Variants in CCN3 observed in about 807,000 individuals in gnomAD.
The protein encoded by CCN3 is cellular communication network factor 3.
CCN3 carries 20 observed loss-of-function variants against 33.4 expected under a neutral mutation model. The observed-to-expected ratio is 0.60, with a 90% CI of 0.42 to 0.87. The LOEUF (loss-of-function observed/expected upper bound fraction) is 0.87. Ranked by LOEUF, CCN3 falls within the 40% of genes least tolerant of loss-of-function variation. CCN3 has a pLI of 0.00. For missense variants in CCN3, 465 were observed against 455.3 expected (o/e 1.02, Z -0.19); for synonymous variants, 205 against 170.4 (o/e 1.20, Z -1.58).
intron 4 of CCN3, among the ~76,000 whole-genome samples, chr8:119,422,097 A>C (rs1247901499): frequency 6.6e-6 from 1 of 152,162 alleles, no homozygotes; most frequent in Non-Finnish European, 1.5e-5. Context: ...ACTTACAATC[A>C]TGGCAGTAGG....
intron 2 of CCN3, among the ~76,000 whole-genome samples, chr8:119,417,488 A>G (rs574295052): frequency 6.6e-6 from 1 of 152,358 alleles, no homozygotes; most frequent in East Asian, 1.9e-4. Context: ...CAACTAGCCA[A>G]TCCAGGCTTC....
Position 119,417,976 on chromosome 8 carries a change from T to A in CCN3, c.311-82T>A, listed in dbSNP as rs1014564488. 3 of 1,438,786 alleles carry A rather than the reference T, an allele frequency of 2.1e-6. No individual in the cohort carries two copies. In the African/African-American group the frequency reaches 4.2e-5, roughly 20 times the overall value. The allele number at this position is 1,438,786 out of a possible 1,614,324, so 89.1% of individuals were successfully genotyped here. On this transcript the variant is annotated intron_variant, in intron 2 of 4. Transcript: ENST00000259526. Reference sequence around the variant, plus strand: ...TGGGTTTTGGAACATGCCCTCCAAATCTTACATAGCTTCTTCACTGTATTG... The same window carrying A: ...TGGGTTTTGGAACATGCCCTCCAAAACTTACATAGCTTCTTCACTGTATTG...
chr8:119,417,943 A>G (rs2130452673), intron 2 of CCN3, 115 bp from the exon 3 acceptor site: 1 of 1,082,756 alleles, frequency 9.2e-7, no homozygotes, highest in South Asian at 1.5e-5. Context: ...CTGAACTAGA[A>G]AAGGACTTGG....
chr8:119,420,217 T>G (rs61064779), intron 4 of CCN3, among the ~76,000 whole-genome samples: 27,935 of 152,206 alleles, frequency 0.18, 2,761 homozygotes, highest in Non-Finnish European at 0.22. Context: ...TGGCTTCAAA[T>G]TCTGTCTTTC....
chr8:119,418,113 A>G lies in CCN3; in HGVS notation c.366A>G (p.Lys122=), dbSNP rs747026381. ...GGGTCATCTACCGCAGTGGAGAGAA[A>G]TTTCAGCCAAGCTGCAAATTCCAGT... ...FDGVIYRSGE[K]FQPSCKFQCT... The change falls in exon 3 of 5, where the codon AAA becomes AAG. Residue 122 remains lysine (K), a synonymous_variant. Transcript: ENST00000259526. 22 of 1,614,078 alleles carry G rather than the reference A, an allele frequency of 1.4e-5. No individual in the cohort carries two copies. In the Admixed American group the frequency reaches 3.7e-4, roughly 27 times the overall value.
At position 119,422,864 on chromosome 8, in the gene CCN3, A is replaced by C; in HGVS notation, c.806A>C (p.Lys269Thr). 2.5e-6 allele frequency: 4 copies of C among 1,609,870 alleles called. No individual in the cohort carries two copies. Among genetic ancestry groups the C allele is most frequent in the Non-Finnish European group, 3.4e-6 (4 of 1,177,282 alleles). The change falls in exon 5 of 5, where the codon AAG becomes ACG. Residue 269 changes from lysine (K) to threonine (T), a missense_variant. By Grantham distance (78) the Lys-to-Thr change is moderately conservative. Coordinates refer to ENST00000259526, the MANE Select transcript of CCN3 (RefSeq NM_002514.4). ...KKGKKCLRTK[K>T]SLKAIHLQFK... is the part of the protein sequence containing the mutation. Reference sequence around the variant, plus strand: ...GGAAAAAAGTGTCTCCGCACCAAGAAGTCACTCAAAGCCATCCACCTGCAG... The same window carrying C: ...GGAAAAAAGTGTCTCCGCACCAAGACGTCACTCAAAGCCATCCACCTGCAG...
At position 119,423,856 on chromosome 8, in the gene CCN3, C is replaced by A. The variant is rs1228669577; in HGVS notation, c.*724C>A. 6.6e-6 allele frequency: 1 copy of A among 152,112 alleles called. No individual in the cohort carries two copies. Among genetic ancestry groups the A allele is most frequent in the East Asian group, 1.9e-4 (1 of 5,192 alleles). The allele number at this position is 152,112 out of a possible 1,614,324, so 9.4% of individuals were successfully genotyped here. ...ACAAAGATGACTGGTCCCTCATAGC[C>A]CTCAGACATTTATATATTGGAAGCT... On this transcript the variant is annotated 3_prime_UTR_variant, in exon 5 of 5. Coordinates refer to ENST00000259526, the MANE Select transcript of CCN3 (RefSeq NM_002514.4).
chr8:119,419,158 T>C lies in CCN3; in HGVS notation c.590T>C (p.Val197Ala). The change falls in exon 4 of 5, where the codon GTA becomes GCA. Residue 197 changes from valine to alanine, a missense_variant. Val to Ala is a moderately conservative substitution (Grantham distance 64, BLOSUM62 0). Coordinates refer to ENST00000259526, the MANE Select transcript of CCN3 (RefSeq NM_002514.4). ...TACAGGCCAGAAGCCACCCTAGGAG[T>C]AGAAGTCTCTGACTCAAGTGTCAAC... ...AAYRPEATLG[V>A]EVSDSSVNCI... 3.1e-6 allele frequency: 5 copies of C among 1,614,078 alleles called. No individual in the cohort carries two copies. Among genetic ancestry groups the C allele is most frequent in the Middle Eastern group, 1.7e-4 (1 of 6,060 alleles).
rs550305385 is a variant in CCN3 at position 119,422,156 on chromosome 8, C to T, written c.778-680C>T. Reference sequence around the variant, plus strand: ...TACATGGCAGCAGGACAGAGAGAGACAGAGAGAGAGAGAGAAAGAGAGAGA... The same window carrying T: ...TACATGGCAGCAGGACAGAGAGAGATAGAGAGAGAGAGAGAAAGAGAGAGA... On this transcript the variant is annotated intron_variant, in intron 4 of 4. Transcript: ENST00000259526. Among the ~76,000 whole-genome samples the T allele has an allele frequency of 2.4e-4, 35 of 146,656 alleles. 1 individual carries two copies. The highest frequency in any genetic ancestry group is 8.6e-4 in the African/African-American group (35 of 40,648).
At position 119,419,352 on chromosome 8, in the gene CCN3, G is replaced by A. The variant is rs1328832996; in HGVS notation, c.777+7G>A. 8.7e-6 allele frequency: 14 copies of A among 1,612,572 alleles called. No individual in the cohort carries two copies. The highest frequency in any genetic ancestry group is 1.0e-5 in the Non-Finnish European group (12 of 1,179,904). On this transcript the variant is annotated splice_region_variant and intron_variant, in intron 4 of 4. Transcript: ENST00000259526. ...AGAGCAGCCAACAGATAAGGTAGGA[G>A]CCTGGAGGAAACCTCCCATCCTGAA...
chr8:119,421,148 A>G (rs1260187301), intron 4 of CCN3, among the ~76,000 whole-genome samples: 5 of 150,520 alleles, frequency 3.3e-5, no homozygotes, highest in Non-Finnish European at 5.9e-5. Flanking sequence ...CCTCCTCAGT[A>G]GCTGGGATTA....
intron 4 of CCN3, among the ~76,000 whole-genome samples, chr8:119,421,087 T>C (rs184324031): frequency 1.3e-5 from 2 of 148,410 alleles, no homozygotes; most frequent in South Asian, 4.3e-4. Context: ...GGCACAATCT[T>C]GGCTCACCGC....
intron 2 of CCN3, 171 bp downstream of exon 2, chr8:119,417,140 T>C: frequency 3.3e-6 from 2 of 605,580 alleles, no homozygotes; most frequent in Admixed American, 3.5e-5. Context: ...TGGGGAGCAC[T>C]TGGGGCTTTG....
At chr8:119,420,579 C>T (rs1820109785) in intron 4 of CCN3, among the ~76,000 whole-genome samples, 1 of 152,138 alleles carries the variant, frequency 6.6e-6, no homozygotes, top group African/African-American at 2.4e-5. Context: ...AGATGCACTT[C>T]CCCACGCTCA....
Position 119,416,819 on chromosome 8 carries a change from G to A in CCN3, c.160G>A (p.Val54Met), listed in dbSNP as rs113716405. Residue 54 changes from valine (V) to methionine (M), a missense_variant, in exon 2 of 5, where the codon GTG (valine) becomes ATG (methionine). Val to Met is a conservative substitution (Grantham distance 21, BLOSUM62 1). Transcript: ENST00000259526. ...PATPPTCAPG[V>M]RAVLDGCSCC... ...GACGCCGCCGACCTGCGCCCCCGGG[G>A]TGCGCGCGGTGCTGGACGGCTGCTC... The A allele has an allele frequency of 6.2e-7, 1 of 1,609,352 alleles. No individual in the cohort carries two copies. Among genetic ancestry groups the A allele is most frequent in the Non-Finnish European group, 8.5e-7 (1 of 1,178,200 alleles).
In CCN3 at chr8:119,416,612, G is replaced by C; in HGVS notation, c.80G>C (p.Gly27Ala). The C allele has an allele frequency of 6.2e-7, 1 of 1,613,590 alleles. No individual in the cohort carries two copies. The highest frequency in any genetic ancestry group is 8.5e-7 in the Non-Finnish European group (1 of 1,179,784). The change falls in exon 1 of 5, where the codon GGA becomes GCA. Residue 27 changes from glycine to alanine, a missense_variant. Physicochemically the swap from Gly to Ala is moderately conservative, Grantham distance 60. Transcript: ENST00000259526. The part of the protein sequence containing the change: ...CLTFLLLHLL[G>A]QVAATQRCPP... ...ACCTTCCTGCTTCTCCATCTCCTGG[G>C]ACAGGTAAGTGGCACACCCTTAAGA...
At chr8:119,421,011 CTTTTTTTTTT>C (rs770175066) in intron 4 of CCN3, among the ~76,000 whole-genome samples, 2 of 75,014 alleles carry the variant, frequency 2.7e-5, no homozygotes, top group Admixed American at 1.8e-4. Flanking sequence ...GACAGTGGTT[CTTTTTTTTTT>C]TTTTTTTTTT....
chr8:119,422,183 A>C (rs955295906), intron 4 of CCN3, among the ~76,000 whole-genome samples: 2 of 152,048 alleles, frequency 1.3e-5, no homozygotes, highest in Non-Finnish European at 2.9e-5. Context: ...AGAGAGAGAG[A>C]AAGGCAGAAA....
rs200532349 is a variant in CCN3 at position 119,419,150 on chromosome 8, C to T, written c.582C>T (p.Thr194=). ...LTLAAYRPEA[T]LGVEVSDSSV... ...CCATAGCTTACAGGCCAGAAGCCAC[C>T]CTAGGAGTAGAAGTCTCTGACTCAA... The change falls in exon 4 of 5, where the codon ACC becomes ACT. Residue 194 remains threonine, a synonymous_variant. Coordinates refer to ENST00000259526, the MANE Select transcript of CCN3 (RefSeq NM_002514.4). 4 of 1,613,966 alleles carry T rather than the reference C, an allele frequency of 2.5e-6. No homozygotes were observed. The African/African-American group carries it at 5.3e-5, about 22-fold the overall frequency.
Sources: gnomAD v4.1 joint callset for allele counts (sites outside exome capture counted in the v4.1 genomes callset) on GRCh38, gnomAD v4.1.1 for gene constraint, MANE v1.5 for transcripts, NCBI Gene and HGNC (gene_info 2026-07-23, HGNC 2026-07-21) for gene names.